STXBP5L: variants seen among roughly 807,000 people sequenced by gnomAD.
The protein encoded by STXBP5L is syntaxin-binding protein 5-like.
Under a neutral mutation model 144.5 loss-of-function variants are expected in STXBP5L, and 65 were observed. The observed-to-expected ratio is 0.45, with a 90% CI of 0.37 to 0.55. The LOEUF is 0.55. Among genes scored for constraint, STXBP5L ranks in the 20% least tolerant of loss-of-function variants. The probability of loss-of-function intolerance (pLI) is 0.00; values close to 1 mark genes in which losing one functional copy is unlikely to be tolerated. For missense variants in STXBP5L, 1,298 were observed against 1,405.5 expected (o/e 0.92, Z 1.22); for synonymous variants, 505 against 469.6 (o/e 1.08, Z -0.97).
intron 2 of STXBP5L, among the ~76,000 whole-genome samples, chr3:120,939,813 C>T (rs910073802): frequency 3.9e-5 from 6 of 152,110 alleles, no homozygotes; most frequent in South Asian, 4.2e-4. Context: ...ACATGGTTTC[C>T]GGTACAAGTA....
rs145611679 is a variant in STXBP5L, at chr3:121,322,268, T to A, written c.2176+3728T>A. On this transcript the variant is annotated intron_variant, in intron 20 of 26. Coordinates refer to ENST00000471454, the MANE Select transcript of STXBP5L (RefSeq NM_001308330.2). ...CCGAGATGGGCGGATCACCTGAGGT[T>A]GGGGGTTTGAGACCAGCCTAACCAA... is the stretch of plus-strand genomic sequence containing the variant. Among the ~76,000 whole-genome samples, 707 of 152,118 alleles carry A rather than the reference T, an allele frequency of 4.6e-3. 6 individuals carry two copies. Among genetic ancestry groups the A allele is most frequent in the African/African-American group, 0.016 (668 of 41,502 alleles).
rs1014833964 is a variant in STXBP5L at position 121,096,058 on chromosome 3, G to A, written c.471-18867G>A. ...ACCCCTTGTGCTTCCTGGGTGAGGC[G>A]ATGCCTCACCTTGCTTCGGCTCTTG... On this transcript the variant is annotated intron_variant, in intron 5 of 26. Coordinates refer to ENST00000471454, the MANE Select transcript of STXBP5L (RefSeq NM_001308330.2). Among the ~76,000 whole-genome samples the A allele has an allele frequency of 3.3e-5, 5 of 152,028 alleles. No individual in the cohort carries two copies. The South Asian group carries it at 6.2e-4, about 19-fold the overall frequency.
intron 2 of STXBP5L, among the ~76,000 whole-genome samples, chr3:120,949,118 G>C (rs182724367): frequency 1.1e-4 from 16 of 151,980 alleles, no homozygotes; most frequent in Middle Eastern, 3.4e-3. Flanking sequence ...GAGTAAGGTG[G>C]TATCTCATTG....
intron 3 of STXBP5L, among the ~76,000 whole-genome samples, chr3:120,956,827 T>C (rs1282846849): frequency 2.6e-5 from 4 of 151,992 alleles, no homozygotes; most frequent in African/African-American, 9.7e-5. Flanking sequence ...ATTTTAAATT[T>C]TAATGAAGTT....
rs34153551 is a variant in STXBP5L at position 121,332,068 on chromosome 3, C to CAAA, written c.2176+13537_2176+13539dup. Among the ~76,000 whole-genome samples the CAAA allele has an allele frequency of 4.8e-3, 637 of 133,396 alleles. 4 individuals carry two copies. Among genetic ancestry groups the CAAA allele is most frequent in the African/African-American group, 0.017 (609 of 35,130 alleles). The allele number at this position is 133,396 out of a possible 152,430, so 87.5% of individuals were successfully genotyped here. On this transcript the variant is annotated intron_variant, in intron 20 of 26. Coordinates refer to ENST00000471454, the MANE Select transcript of STXBP5L (RefSeq NM_001308330.2). ...TCATTAAAGTCACAACTTTAAGAGA[C>CAAA]AAAAAAAAAAAGAAATTTTTAAAAA...
chr3:121,033,286 T>C (rs1450977820), intron 3 of STXBP5L, among the ~76,000 whole-genome samples: 1 of 121,532 alleles, frequency 8.2e-6, no homozygotes, highest in Admixed American at 8.9e-5. Flanking sequence ...ATGGATGAAA[T>C]TGGAAACCAT....
intron 9 of STXBP5L, among the ~76,000 whole-genome samples, chr3:121,196,299 T>G (rs1406731208): frequency 1.3e-5 from 2 of 151,778 alleles, no homozygotes; most frequent in Non-Finnish European, 2.9e-5. Flanking sequence ...CATGCCTGGC[T>G]AATTTTTTTT....
intron 9 of STXBP5L, among the ~76,000 whole-genome samples, chr3:121,182,488 A>G (rs2047197725): frequency 6.6e-6 from 1 of 152,150 alleles, no homozygotes; most frequent in Admixed American, 6.5e-5. Flanking sequence ...ATCATTACAC[A>G]ACTTATCAAG....
chr3:120,963,702 A>G (rs1337835007), intron 3 of STXBP5L, among the ~76,000 whole-genome samples: 2 of 152,180 alleles, frequency 1.3e-5, no homozygotes, highest in Non-Finnish European at 2.9e-5. Context: ...TTTTGCAGCA[A>G]TATTCATCAG....
chr3:120,928,976 G>T (rs913118414), intron 2 of STXBP5L, among the ~76,000 whole-genome samples: 1 of 152,106 alleles, frequency 6.6e-6, no homozygotes, highest in Non-Finnish European at 1.5e-5. Context: ...AGTCCCAAAC[G>T]CAGGCAGAAG....
In STXBP5L at chr3:121,038,902, C is replaced by T. The variant is rs141129522; in HGVS notation, c.288-2798C>T. ...TCAACTTTACTGTATATTAATATAT[C>T]TTTCCACCTATATCTTAATTAATGT... On this transcript the variant is annotated intron_variant, in intron 3 of 26. Coordinates refer to ENST00000471454, the MANE Select transcript of STXBP5L (RefSeq NM_001308330.2). 6.8e-3 allele frequency among the ~76,000 whole-genome samples: 1,036 copies of T among 151,916 alleles called. 4 individuals carry two copies. The highest frequency in any genetic ancestry group is 0.012 in the Non-Finnish European group (825 of 67,806).
intron 7 of STXBP5L, among the ~76,000 whole-genome samples, chr3:121,147,866 A>G (rs1277789385): frequency 1.3e-5 from 2 of 152,170 alleles, no homozygotes; most frequent in Non-Finnish European, 2.9e-5. Context: ...GAACTGAGAC[A>G]TCAGCTTTTT....
chr3:120,927,490 T>G (rs1056264043), intron 2 of STXBP5L, among the ~76,000 whole-genome samples: 1 of 152,190 alleles, frequency 6.6e-6, no homozygotes, highest in Non-Finnish European at 1.5e-5. Flanking sequence ...TTTCCCTGGG[T>G]TGGGGTAGAG....
chr3:120,987,152 C>G (rs1349524502), intron 3 of STXBP5L, among the ~76,000 whole-genome samples: 1 of 151,882 alleles, frequency 6.6e-6, no homozygotes, highest in Non-Finnish European at 1.5e-5. Flanking sequence ...AAAAGTCAAG[C>G]AAAGAAAGAA....
At chr3:120,997,621 GTTGT>G (rs1408639321) in intron 3 of STXBP5L, among the ~76,000 whole-genome samples, 3 of 151,944 alleles carry the variant, frequency 2.0e-5, no homozygotes, top group South Asian at 2.1e-4. Context: ...TTTTAGTGGG[GTTGT>G]TTGTTTTTTG....
intron 9 of STXBP5L, among the ~76,000 whole-genome samples, chr3:121,159,233 T>C (rs1283262010): frequency 6.6e-6 from 1 of 152,064 alleles, no homozygotes; most frequent in African/African-American, 2.4e-5. Flanking sequence ...TAATATTTAG[T>C]TTGAGATATT....
intron 3 of STXBP5L, among the ~76,000 whole-genome samples, chr3:121,005,764 T>C (rs1055495443): frequency 6.6e-6 from 1 of 152,212 alleles, no homozygotes; most frequent in Non-Finnish European, 1.5e-5. Flanking sequence ...TTTGTTCTCA[T>C]TGGTTTCAAA....
At chr3:121,264,806 A>AC (rs1491306263) in intron 18 of STXBP5L, among the ~76,000 whole-genome samples, 2 of 20,174 alleles carry the variant, frequency 9.9e-5, no homozygotes, top group Non-Finnish European at 2.1e-4. Context: ...TGGAAAGCAC[A>AC]AAAAAAAAAA....
intron 14 of STXBP5L, among the ~76,000 whole-genome samples, chr3:121,244,274 A>C (rs1406856360): frequency 6.6e-6 from 1 of 152,030 alleles, no homozygotes; most frequent in Admixed American, 6.6e-5. Context: ...GATTTGAAAA[A>C]TTCATTACAG....
Sources: allele counts gnomAD v4.1 joint callset (sites outside exome capture counted in the v4.1 genomes callset), GRCh38; gene constraint gnomAD v4.1.1; transcripts MANE v1.5; gene names NCBI Gene and HGNC (gene_info 2026-07-23, HGNC 2026-07-21).